Variants in KCTD8 observed in about 807,000 individuals in gnomAD.
The protein encoded by KCTD8 is BTB/POZ domain-containing protein KCTD8.
Under a neutral mutation model 31.5 loss-of-function variants are expected in KCTD8, and 27 were observed. That is an observed-to-expected ratio of 0.86 (90% confidence interval 0.63 to 1.18). The LOEUF (loss-of-function observed/expected upper bound fraction) is 1.18, where lower values mean the gene tolerates loss of function less well. Ranked by LOEUF, KCTD8 falls within the 50% of genes most tolerant of loss-of-function variation. KCTD8 has a pLI of 0.00. For synonymous variants in KCTD8, 290 were observed against 280.0 expected (o/e 1.04, Z -0.36); for missense variants, 658 against 647.7 (o/e 1.02, Z -0.17).
intron 1 of KCTD8, among the ~76,000 whole-genome samples, chr4:44,415,234 G>A (rs1384579660): frequency 6.6e-6 from 1 of 152,146 alleles, no homozygotes; most frequent in Non-Finnish European, 1.5e-5. Context: ...TCAAGAAGTG[G>A]CATGGCTTCT....
chr4:44,429,616 G>C (rs868016310), intron 1 of KCTD8, among the ~76,000 whole-genome samples: 1 of 151,740 alleles, frequency 6.6e-6, no homozygotes, highest in African/African-American at 2.4e-5. Context: ...TTGATAGTTG[G>C]TTAAACATAA....
At position 44,208,548 on chromosome 4, in the gene KCTD8, A is replaced by G. The variant is rs575121003; in HGVS notation, c.962-33298T>C. Among the ~76,000 whole-genome samples the G allele has an allele frequency of 1.2e-4, 19 of 152,342 alleles. 2 individuals are homozygous for G. In the South Asian group the frequency reaches 3.7e-3, roughly 30 times the overall value. ...ATTATATTGAAAATCACAAAATAATACCAAATAAGAAGTTTGGTATGCTCC... is the reference window on the plus strand; with the variant it reads ...ATTATATTGAAAATCACAAAATAATGCCAAATAAGAAGTTTGGTATGCTCC... On this transcript the variant is annotated intron_variant, in intron 1 of 1. Coordinates refer to ENST00000360029, the MANE Select transcript of KCTD8 (RefSeq NM_198353.3).
At chr4:44,261,699 T>G (rs1346093882) in intron 1 of KCTD8, among the ~76,000 whole-genome samples, 1 of 151,986 alleles carries the variant, frequency 6.6e-6, no homozygotes, top group African/African-American at 2.4e-5. Context: ...TGTCATTCTG[T>G]GTCTGGCTTA....
At chr4:44,206,288 CCTTTTCA>C (rs1344977824) in intron 1 of KCTD8, among the ~76,000 whole-genome samples, 2 of 151,884 alleles carry the variant, frequency 1.3e-5, no homozygotes, top group Non-Finnish European at 2.9e-5. Context: ...ACCAGGTGAC[CCTTTTCA>C]GCTCTGAAAT....
intron 1 of KCTD8, among the ~76,000 whole-genome samples, chr4:44,446,881 C>T (rs546027994): frequency 1.6e-4 from 24 of 152,292 alleles, no homozygotes; most frequent in African/African-American, 5.3e-4. Context: ...TCCCCTGTCC[C>T]AAACACTGGG....
rs1248366683 is a variant in KCTD8 at position 44,175,106 on chromosome 4, G to A, written c.1106C>T (p.Pro369Leu). Residue 369 changes from proline (P) to leucine (L), a missense_variant, in exon 2 of 2, where the codon CCC (proline) becomes CTC (leucine). Transcript: ENST00000360029. ...CTGGGCACTGGATGGGTTGTCCTGG[G>A]GAGTGCTTGCCTCTGAATGGCTGTC... is the stretch of plus-strand genomic sequence containing the variant. Reference protein sequence around the residue: ...SCDSHSEASTPQDNPSSAQQA... With the variant: ...SCDSHSEASTLQDNPSSAQQA... 1 of 1,613,982 alleles carries A rather than the reference G, an allele frequency of 6.2e-7. No individual in the cohort carries two copies. Among genetic ancestry groups the A allele is most frequent in the Admixed American group, 1.7e-5 (1 of 59,998 alleles).
intron 1 of KCTD8, among the ~76,000 whole-genome samples, chr4:44,345,457 G>C (rs1335541062): frequency 6.6e-6 from 1 of 152,016 alleles, no homozygotes; most frequent in Non-Finnish European, 1.5e-5. Flanking sequence ...ATAAATTCTA[G>C]AGGTAAATTC....
At chr4:44,445,677 C>A (rs1721919770) in intron 1 of KCTD8, among the ~76,000 whole-genome samples, 2 of 152,046 alleles carry the variant, frequency 1.3e-5, no homozygotes, top group South Asian at 4.1e-4. Context: ...AAAACCAAAA[C>A]CAAGTAAGAT....
chr4:44,206,889 T>C (rs1353662489), intron 1 of KCTD8, among the ~76,000 whole-genome samples: 2 of 152,222 alleles, frequency 1.3e-5, no homozygotes, highest in Non-Finnish European at 2.9e-5. Flanking sequence ...TAAGTATTTG[T>C]CTCACAGTAG....
chr4:44,361,939 A>G (rs572446697), intron 1 of KCTD8, among the ~76,000 whole-genome samples: 1 of 152,256 alleles, frequency 6.6e-6, no homozygotes, highest in South Asian at 2.1e-4. Context: ...ATAAGAAAGT[A>G]AAAATCTCAG....
chr4:44,408,398 T>C (rs1407175202), intron 1 of KCTD8, among the ~76,000 whole-genome samples: 1 of 152,198 alleles, frequency 6.6e-6, no homozygotes, highest in Non-Finnish European at 1.5e-5. Flanking sequence ...AAACATTGTA[T>C]GCATTTTGAA....
At chr4:44,384,001 A>T (rs769910035) in intron 1 of KCTD8, among the ~76,000 whole-genome samples, 1 of 152,018 alleles carries the variant, frequency 6.6e-6, no homozygotes, top group African/African-American at 2.4e-5. Context: ...TGGGCAAATG[A>T]TCTAAATAGA....
At chr4:44,263,165 C>T (rs1163122489) in intron 1 of KCTD8, among the ~76,000 whole-genome samples, 3 of 152,052 alleles carry the variant, frequency 2.0e-5, no homozygotes, top group African/African-American at 7.2e-5. Flanking sequence ...TTATAATCTT[C>T]ATTTTGTCAC....
chr4:44,180,951 T>G (rs1470063816), intron 1 of KCTD8, among the ~76,000 whole-genome samples: 1 of 152,174 alleles, frequency 6.6e-6, no homozygotes, highest in African/African-American at 2.4e-5. Context: ...CTATGGTATT[T>G]CAAAGAATTT....
chr4:44,375,493 C>G (rs1005386718), intron 1 of KCTD8, among the ~76,000 whole-genome samples: 1 of 152,116 alleles, frequency 6.6e-6, no homozygotes, highest in African/African-American at 2.4e-5. Flanking sequence ...TGAGATGTCT[C>G]TGTTCCTGGT....
intron 1 of KCTD8, among the ~76,000 whole-genome samples, chr4:44,203,246 T>C (rs1213389811): frequency 6.6e-6 from 1 of 152,174 alleles, no homozygotes; most frequent in Non-Finnish European, 1.5e-5. Context: ...CTCACACCTA[T>C]AATCCCAACA....
intron 1 of KCTD8, among the ~76,000 whole-genome samples, chr4:44,350,533 A>G (rs1719169504): frequency 6.6e-6 from 1 of 152,182 alleles, no homozygotes. Context: ...CAACACTTGA[A>G]ATAGCAGCTC....
intron 1 of KCTD8, among the ~76,000 whole-genome samples, chr4:44,272,121 T>TTATACATATATATATATATATATATA (rs1716629901): frequency 7.0e-6 from 1 of 142,526 alleles, no homozygotes; most frequent in African/African-American, 2.7e-5. Flanking sequence ...TGGTATTATA[T>TTATACATATATATATATATATATATA]TATATATATA....
At chr4:44,235,578 T>TAGAGAGAG (rs371875444) in intron 1 of KCTD8, among the ~76,000 whole-genome samples, 6 of 64,120 alleles carry the variant, frequency 9.4e-5, no homozygotes, top group African/African-American at 3.1e-4. Flanking sequence ...TATATATATT[T>TAGAGAGAG]AGAGAGAGAG....
Sources: allele counts gnomAD v4.1 joint callset (sites outside exome capture counted in the v4.1 genomes callset), GRCh38; gene constraint gnomAD v4.1.1; transcripts MANE v1.5; gene names NCBI Gene and HGNC (gene_info 2026-07-23, HGNC 2026-07-21).